C4orf50: variants seen among roughly 807,000 people sequenced by gnomAD.
The protein encoded by C4orf50 is chromosome 4 open reading frame 50.
In C4orf50, 80 loss-of-function variants were observed where a neutral mutation model predicts 77.2. That is an observed-to-expected ratio of 1.04 (90% confidence interval 0.87 to 1.25). The LOEUF (loss-of-function observed/expected upper bound fraction) is 1.25. C4orf50 is among the 50% of genes most tolerant of loss of function. The pLI, the probability that C4orf50 is intolerant of heterozygous loss-of-function variation, is 0.00. For synonymous variants in C4orf50, 532 were observed against 465.3 expected, an observed-to-expected ratio of 1.14 and a Z score of -1.84; for missense variants, 1,257 against 1,152.9, an observed-to-expected ratio of 1.09 and a Z score of -1.31.
chr4:6,016,919 G>A (rs147170710), intron 23 of C4orf50, among the ~76,000 whole-genome samples: 1 of 152,330 alleles, frequency 6.6e-6, no homozygotes, highest in East Asian at 1.9e-4. Context: ...TCCAAGGCAC[G>A]TGGCTGCTGG....
chr4:5,976,478 AAAAAG>A (rs1234148456), intron 29 of C4orf50, among the ~76,000 whole-genome samples: 2 of 150,600 alleles, frequency 1.3e-5, no homozygotes, highest in Admixed American at 1.3e-4. Context: ...AAAAAAAAAA[AAAAAG>A]AATCAGCTCT....
intron 7 of C4orf50, chr4:5,898,244 C>G (rs1716208701): frequency 6.6e-6 from 1 of 152,218 alleles, no homozygotes; most frequent in Non-Finnish European, 1.5e-5. Context: ...CCCTGCCTCA[C>G]CTGCAAAAGC....
chr4:6,010,441 A>T (rs1254454358), intron 24 of C4orf50, among the ~76,000 whole-genome samples: 1 of 152,186 alleles, frequency 6.6e-6, no homozygotes, highest in Non-Finnish European at 1.5e-5. Context: ...GTGCTTTTCC[A>T]GCTTTTCTGA....
Position 5,970,911 on chromosome 4 carries a change from G to A in C4orf50, c.4104+2748C>T, listed in dbSNP as rs1304269375. ...CCATGGAGAGCGTGCGAGGGGGAGGGCAGCATGAGTCTTGGCCACCATGAC... is the reference window on the plus strand; with the variant it reads ...CCATGGAGAGCGTGCGAGGGGGAGGACAGCATGAGTCTTGGCCACCATGAC... On this transcript the variant is annotated intron_variant, in intron 31 of 33. Transcript: ENST00000531445. This position sits in a 1 kb window ranked among gnomAD's most constrained non-coding sequence, Gnocchi z 4.3. 6.6e-6 allele frequency among the ~76,000 whole-genome samples: 1 copy of A among 152,158 alleles called. No homozygotes were observed. Among genetic ancestry groups the A allele is most frequent in the East Asian group, 1.9e-4 (1 of 5,172 alleles).
chr4:5,992,699 C>G lies in C4orf50; in HGVS notation c.1221+104G>C, dbSNP rs112138769. 6.6e-3 allele frequency: 2,598 copies of G among 391,516 alleles called. 70 individuals carry two copies. The highest frequency in any genetic ancestry group is 0.049 in the African/African-American group (2,387 of 48,466). 24.3% of individuals were successfully genotyped at this position (391,516 alleles called of 1,614,324 possible). A position where few individuals can be genotyped will look rare whatever the true frequency, so the allele number is the denominator to read the frequency against. Reference sequence around the variant, plus strand: ...GAATGTTCTCCCAGACCTGGAGCTTCTTTACCCCTCCCACATCCTGCGTGT... The same window carrying G: ...GAATGTTCTCCCAGACCTGGAGCTTGTTTACCCCTCCCACATCCTGCGTGT... On this transcript the variant is annotated intron_variant, in intron 27 of 33. Coordinates refer to ENST00000531445, the Ensembl canonical transcript of C4orf50. This position sits in a 1 kb window ranked among gnomAD's most constrained non-coding sequence, Gnocchi z 5.0.
At chr4:6,003,899 TGATGG>T (rs1721998009) in intron 25 of C4orf50, among the ~76,000 whole-genome samples, 1 of 534 alleles carries the variant, frequency 1.9e-3, no homozygotes, top group African/African-American at 7.4e-3. Context: ...GGTGATGATG[TGATGG>T]TGATGTTGAT....
intron 31 of C4orf50, among the ~76,000 whole-genome samples, chr4:5,969,923 C>T (rs886153008): frequency 1.3e-5 from 2 of 152,044 alleles, no homozygotes; most frequent in African/African-American, 4.8e-5. Flanking sequence ...GGAGTGGACC[C>T]CAGGCCAGAC....
At chr4:5,928,327 C>G (rs1485852387) in intron 7 of C4orf50, among the ~76,000 whole-genome samples, 1 of 151,494 alleles carries the variant, frequency 6.6e-6, no homozygotes, top group Non-Finnish European at 1.5e-5. Flanking sequence ...CATGGGCTAG[C>G]TCTTGCTCTT....
chr4:5,996,027 T>C (rs73196040), intron 25 of C4orf50, among the ~76,000 whole-genome samples: 9,871 of 152,274 alleles, frequency 0.065, 347 homozygotes, highest in African/African-American at 0.076. Flanking sequence ...TCCCTTGGCT[T>C]CCCTCTGGCT....
rs888720245 is a variant in C4orf50, at chr4:5,948,572, G to A, written c.*2474+8329C>T. Among the ~76,000 whole-genome samples the A allele has an allele frequency of 5.3e-5, 8 of 152,282 alleles. No individual in the cohort carries two copies. In the South Asian group the frequency reaches 6.2e-4, roughly 12 times the overall value. ...AGCACTTTGGGAGGCCGAGGCAGGC[G>A]GATCACGAGGTCAGCAGATCCAGAC... On this transcript the variant is annotated intron_variant, in intron 7 of 7. Coordinates refer to the C4orf50 transcript ENST00000324058.
chr4:5,927,702 A>T (rs1205061360), intron 7 of C4orf50, among the ~76,000 whole-genome samples: 1 of 151,948 alleles, frequency 6.6e-6, no homozygotes, highest in Non-Finnish European at 1.5e-5. Context: ...TCCTTCTGCC[A>T]TGATTGTAAG....
At chr4:5,950,988 G>A (rs1718689747) in intron 7 of C4orf50, among the ~76,000 whole-genome samples, 1 of 152,252 alleles carries the variant, frequency 6.6e-6, no homozygotes, top group South Asian at 2.1e-4. Flanking sequence ...AAGGTGCTCA[G>A]CCCACACACA....
intron 23 of C4orf50, among the ~76,000 whole-genome samples, chr4:6,013,047 T>G (rs2108813638): frequency 6.6e-6 from 1 of 152,364 alleles, no homozygotes; most frequent in South Asian, 2.1e-4. Flanking sequence ...CCATGGGGTC[T>G]TAACAGGGCT....
chr4:6,005,901 A>G (rs1685429727), intron 25 of C4orf50, among the ~76,000 whole-genome samples: 1 of 152,198 alleles, frequency 6.6e-6, no homozygotes, highest in South Asian at 2.1e-4. Flanking sequence ...GACTTTTACA[A>G]GAGGAAGATA....
intron 7 of C4orf50, among the ~76,000 whole-genome samples, chr4:5,910,745 T>C (rs935199227): frequency 3.9e-5 from 6 of 152,110 alleles, no homozygotes; most frequent in African/African-American, 7.2e-5. Context: ...TTTTTGGTGT[T>C]TGAGGGGAAA....
rs1175166659 is a variant in C4orf50, at chr4:6,008,756, G to C, written c.427-224C>G. Among the ~76,000 whole-genome samples the C allele has an allele frequency of 6.6e-6, 1 of 152,116 alleles. No individual in the cohort carries two copies. Among genetic ancestry groups the C allele is most frequent in the Non-Finnish European group, 1.5e-5 (1 of 68,012 alleles). The stretch of plus-strand genomic sequence containing the variant: ...CCCTCACTTCATCCACCCTAGTCTG[G>C]GCCCTGCACCTTCAACAGCTCCCTG... On this transcript the variant is annotated intron_variant, in intron 24 of 33. Coordinates refer to ENST00000531445, the Ensembl canonical transcript of C4orf50. This position sits in a 1 kb window ranked among gnomAD's most constrained non-coding sequence, Gnocchi z 6.0.
At chr4:5,906,459 G>C (rs1716554583) in intron 7 of C4orf50, among the ~76,000 whole-genome samples, 1 of 152,176 alleles carries the variant, frequency 6.6e-6, no homozygotes, top group Non-Finnish European at 1.5e-5. Flanking sequence ...GTAGCGGAGA[G>C]AGTGGGTCTA....
At chr4:5,995,682 C>T (rs1438738957) in intron 25 of C4orf50, among the ~76,000 whole-genome samples, 2 of 152,218 alleles carry the variant, frequency 1.3e-5, no homozygotes, top group East Asian at 3.9e-4. Flanking sequence ...AACTTGGCTT[C>T]ATTCTGTCTG....
chr4:5,990,087 C>T lies in C4orf50; in HGVS notation c.1959G>A (p.Trp653Ter). ...CTGATGACAGTCCTCCTCGGAGACC[C>T]CAGACGTATCCTTCCACCCTTTCCC... is the stretch of plus-strand genomic sequence containing the variant. Residue 653 changes from tryptophan (W) to a stop codon, truncating the protein, a stop_gained, in exon 28 of 34, where the codon TGG (tryptophan) becomes TGA (stop). Transcript: ENST00000531445. LOFTEE classifies it high-confidence loss of function. 1 of 1,310,988 alleles carries T rather than the reference C, an allele frequency of 7.6e-7. No homozygotes were observed. Among genetic ancestry groups the T allele is most frequent in the Non-Finnish European group, 9.7e-7 (1 of 1,034,356 alleles). The allele number at this position is 1,310,988 out of a possible 1,614,324, so 81.2% of individuals were successfully genotyped here.
Sources: allele counts gnomAD v4.1 joint callset (sites outside exome capture counted in the v4.1 genomes callset), GRCh38; gene constraint gnomAD v4.1.1; non-coding constraint Gnocchi (gnomAD v3.1); transcripts MANE v1.5; gene names NCBI Gene and HGNC (gene_info 2026-07-23, HGNC 2026-07-21).